The following DIS3L2 variants were observed in gnomAD, a reference collection of about 807,000 sequenced individuals.
DIS3L2 encodes DIS3 like 3'-5' exoribonuclease 2.
Under a neutral mutation model 97.5 loss-of-function variants are expected in DIS3L2, and 34 were observed. The observed-to-expected ratio is 0.35, with a 90% CI of 0.27 to 0.46. The LOEUF (loss-of-function observed/expected upper bound fraction) is 0.46. Among genes scored for constraint, DIS3L2 ranks in the 20% least tolerant of loss-of-function variants. The pLI is 1.00. For synonymous variants in DIS3L2, 435 were observed against 445.2 expected, an observed-to-expected ratio of 0.98 and a Z score of 0.29; for missense variants, 1,038 against 1,146.0, an observed-to-expected ratio of 0.91 and a Z score of 1.36.
intron 5 of DIS3L2, among the ~76,000 whole-genome samples, chr2:232,041,560 A>G (rs1227461097): frequency 6.6e-6 from 1 of 152,224 alleles, no homozygotes; most frequent in African/African-American, 2.4e-5. Flanking sequence ...CTTGAGAGCC[A>G]GAATTCTGAA....
At chr2:232,190,554 GGAGAT>G (rs1240860412) in intron 9 of DIS3L2, among the ~76,000 whole-genome samples, 3 of 151,576 alleles carry the variant, frequency 2.0e-5, no homozygotes, top group Admixed American at 6.6e-5. Context: ...GTTCTCAAAA[GGAGAT>G]GAGATGAGAG....
chr2:232,130,593 C>T (rs1698186844), intron 6 of DIS3L2, 26 bp from the exon 7 acceptor site: 3 of 1,600,616 alleles, frequency 1.9e-6, no homozygotes, highest in Admixed American at 1.7e-5. Context: ...GATGACTCCT[C>T]TTCTCTCTTT....
At chr2:231,978,991 C>G (rs1346850896) in intron 1 of DIS3L2, among the ~76,000 whole-genome samples, 1 of 151,898 alleles carries the variant, frequency 6.6e-6, no homozygotes, top group African/African-American at 2.4e-5. Context: ...TATATTAATC[C>G]TTGGACTCCT....
Position 232,130,728 on chromosome 2 carries a change from C to G in DIS3L2, c.702+9C>G, listed in dbSNP as rs1210177398. 6.2e-7 allele frequency: 1 copy of G among 1,613,204 alleles called. No individual in the cohort carries two copies. On this transcript the variant is annotated intron_variant, in intron 7 of 20. Transcript: ENST00000325385. ...TGCAAAGATCAGCAAAGGTCATTGC[C>G]TACAGATTTTCTCCACGTGTCCAAA...
At chr2:232,216,968 G>A (rs1014819496) in intron 10 of DIS3L2, among the ~76,000 whole-genome samples, 1 of 151,582 alleles carries the variant, frequency 6.6e-6, no homozygotes, top group Non-Finnish European at 1.5e-5. Flanking sequence ...TCAGCCTCCC[G>A]AGTAGCCAGG....
intron 13 of DIS3L2, among the ~76,000 whole-genome samples, chr2:232,265,138 T>A (rs1421750276): frequency 6.6e-6 from 1 of 152,180 alleles, no homozygotes; most frequent in Non-Finnish European, 1.5e-5. Context: ...CCCAGGACAC[T>A]TTACAGTTCT....
chr2:232,013,677 T>G lies in DIS3L2; in HGVS notation c.-93-1158T>G, dbSNP rs554817147. Reference sequence around the variant, plus strand: ...CTTCATTCTGTCTAGTGTAGTGCCCTGAAGAAATATGTGTGAAATTAACGA... The same window carrying G: ...CTTCATTCTGTCTAGTGTAGTGCCCGGAAGAAATATGTGTGAAATTAACGA... On this transcript the variant is annotated intron_variant, in intron 1 of 20. Transcript: ENST00000325385. 3.3e-5 allele frequency among the ~76,000 whole-genome samples: 5 copies of G among 152,346 alleles called. No homozygotes were observed. In the South Asian group the frequency reaches 1.0e-3, roughly 32 times the overall value.
chr2:232,306,303 G>A (rs765725101), intron 14 of DIS3L2, among the ~76,000 whole-genome samples: 17 of 152,324 alleles, frequency 1.1e-4, no homozygotes, highest in East Asian at 3.9e-4. Flanking sequence ...CTGGCTTTAT[G>A]TGGGGATCTC....
At chr2:231,996,372 A>G (rs1006817983) in intron 1 of DIS3L2, among the ~76,000 whole-genome samples, 1 of 152,178 alleles carries the variant, frequency 6.6e-6, no homozygotes, top group Non-Finnish European at 1.5e-5. Flanking sequence ...TATCTTGTAT[A>G]CACCTAGGTC....
intron 6 of DIS3L2, among the ~76,000 whole-genome samples, chr2:232,120,509 C>T (rs1415999866): frequency 1.3e-5 from 2 of 152,138 alleles, no homozygotes; most frequent in Non-Finnish European, 2.9e-5. Flanking sequence ...TAACACAGTG[C>T]CAAGTGCAGG....
At chr2:231,979,361 C>A (rs996766733) in intron 1 of DIS3L2, among the ~76,000 whole-genome samples, 1 of 151,386 alleles carries the variant, frequency 6.6e-6, no homozygotes, top group African/African-American at 2.4e-5. Flanking sequence ...CTCAGGTGAT[C>A]CCCTCCCATC....
intron 6 of DIS3L2, among the ~76,000 whole-genome samples, chr2:232,119,440 C>T (rs2106339918): frequency 6.6e-6 from 1 of 152,246 alleles, no homozygotes; most frequent in Admixed American, 6.5e-5. Flanking sequence ...AGATGGAAGT[C>T]TACTTAAACT....
chr2:232,321,810 G>A (rs1695445777), intron 14 of DIS3L2, among the ~76,000 whole-genome samples: 1 of 152,124 alleles, frequency 6.6e-6, no homozygotes, highest in African/African-American at 2.4e-5. Context: ...TTTCCAGGGG[G>A]GCCTGGAAAC....
intron 13 of DIS3L2, among the ~76,000 whole-genome samples, chr2:232,295,927 A>G (rs1267113605): frequency 6.6e-6 from 1 of 152,242 alleles, no homozygotes; most frequent in Admixed American, 6.5e-5. Flanking sequence ...TCAGAACTCC[A>G]TAGCCACTCC....
At chr2:232,121,726 G>A (rs570399045) in intron 6 of DIS3L2, among the ~76,000 whole-genome samples, 3 of 152,108 alleles carry the variant, frequency 2.0e-5, no homozygotes, top group African/African-American at 4.8e-5. Context: ...GGTCATGGAC[G>A]GTGCCTTTTA....
At chr2:232,058,504 A>G (rs1322517719) in intron 5 of DIS3L2, among the ~76,000 whole-genome samples, 1 of 152,166 alleles carries the variant, frequency 6.6e-6, no homozygotes, top group Non-Finnish European at 1.5e-5. Context: ...TGGAAGGTGT[A>G]GGGGAAAGAT....
intron 8 of DIS3L2, among the ~76,000 whole-genome samples, chr2:232,146,002 G>A (rs1020549041): frequency 6.6e-6 from 1 of 152,186 alleles, no homozygotes; most frequent in African/African-American, 2.4e-5. Context: ...AAAGGATAGG[G>A]ACAGTACTGA....
At chr2:232,210,943 C>T (rs554492532) in intron 10 of DIS3L2, among the ~76,000 whole-genome samples, 1 of 151,838 alleles carries the variant, frequency 6.6e-6, no homozygotes, top group East Asian at 1.9e-4. Flanking sequence ...TTGAGAAAGG[C>T]AAACTGATAA....
chr2:232,100,036 A>AT (rs1280065613), intron 6 of DIS3L2, among the ~76,000 whole-genome samples: 7 of 150,806 alleles, frequency 4.6e-5, no homozygotes, highest in Admixed American at 2.0e-4. Flanking sequence ...ATTTTTCTCT[A>AT]TTTTTTATTT....
Sources: gnomAD v4.1 joint callset for allele counts (sites outside exome capture counted in the v4.1 genomes callset) on GRCh38, gnomAD v4.1.1 for gene constraint, MANE v1.5 for transcripts, NCBI Gene and HGNC (gene_info 2026-07-23, HGNC 2026-07-21) for gene names.